CYBB: variants seen among roughly 807,000 people sequenced by gnomAD.
CYBB encodes cytochrome b-245 beta chain, also known as NADPH oxidase 2.
A neutral mutation model predicts 46.5 loss-of-function variants in CYBB; 5 were observed. The ratio of observed to expected loss-of-function variants is 0.11; its 90% CI spans 0.06 to 0.23. CYBB has a LOEUF of 0.23. Among genes scored for constraint, CYBB ranks in the 10% least tolerant of loss-of-function variants. CYBB has a pLI of 1.00. For synonymous variants in CYBB, 183 were observed against 156.7 expected, an observed-to-expected ratio of 1.17 and a Z score of -1.26; for missense variants, 307 against 428.3, an observed-to-expected ratio of 0.72 and a Z score of 2.50.
chrX:37,782,907 T>C (rs782361265), intron 2 of CYBB, among the ~76,000 whole-genome samples: 7 of 111,901 alleles, frequency 6.3e-5, no homozygotes, highest in Non-Finnish European at 1.1e-4. Flanking sequence ...TGATGCTTTC[T>C]CCCGCCAAAA....
chrX:37,801,621 TG>T (rs1569479742), intron 8 of CYBB, among the ~76,000 whole-genome samples: 2,937 of 108,775 alleles, frequency 0.027, 97 homozygotes, highest in African/African-American at 0.092. Context: ...TGTGTGTGTG[TG>T]TGTGTGTTTG....
At chrX:37,798,019 C>T (rs1556468891) in intron 6 of CYBB, among the ~76,000 whole-genome samples, 1 of 111,939 alleles carries the variant, frequency 8.9e-6, no homozygotes, top group African/African-American at 3.2e-5. Context: ...GTGCTCAATA[C>T]ATGATAATTC....
At position 37,782,199 on chromosome X, in the gene CYBB, A is replaced by G. The variant is rs1602174302; in HGVS notation, c.141+16A>G. On this transcript the variant is annotated intron_variant, in intron 2 of 12. Transcript: ENST00000378588. ...ACTTCTTGGGGTAAGTATAAATTCC[A>G]TCCCATGCAATATTGGCTGGTTCAC... 1 of 1,007,055 alleles carries G rather than the reference A, an allele frequency of 9.9e-7. No homozygotes were observed. The highest frequency in any genetic ancestry group is 1.4e-6 in the Non-Finnish European group (1 of 710,177). 83.0% of individuals were successfully genotyped at this position (1,007,055 alleles called of 1,213,427 possible).
chrX:37,806,568 A>G, intron 11 of CYBB, 35 bp downstream of exon 11: 20 of 1,179,723 alleles, frequency 1.7e-5, no homozygotes, highest in Non-Finnish European at 2.2e-5. Context: ...GGTCCTTCCC[A>G]TAGTGTACAG....
intron 3 of CYBB, among the ~76,000 whole-genome samples, chrX:37,784,522 C>T (rs897101538): frequency 2.7e-5 from 3 of 111,092 alleles, no homozygotes; most frequent in African/African-American, 6.5e-5. Context: ...GTGAGGAAAT[C>T]GTATTCTTGA....
intron 4 of CYBB, 131 bp from the exon 5 acceptor site, chrX:37,793,534 A>G (rs2146810110): frequency 3.0e-6 from 2 of 673,894 alleles, no homozygotes; most frequent in East Asian, 3.4e-5. Context: ...GTTCTTGTCT[A>G]TAAGTGTCCT....
At chrX:37,803,549 G>T (rs1335744718) in intron 8 of CYBB, among the ~76,000 whole-genome samples, 1 of 111,756 alleles carries the variant, frequency 8.9e-6, no homozygotes, top group Non-Finnish European at 1.9e-5. Context: ...GGAATGGGGA[G>T]AGAGAAAAGC....
intron 8 of CYBB, among the ~76,000 whole-genome samples, 188 bp downstream of exon 8, chrX:37,801,536 G>T (rs1556469915): frequency 9.2e-6 from 1 of 108,590 alleles, no homozygotes; most frequent in African/African-American, 3.4e-5. Context: ...TACCATTTTT[G>T]ATGTTAAAAT....
intron 6 of CYBB, among the ~76,000 whole-genome samples, chrX:37,798,479 T>G (rs1164727659): frequency 8.0e-5 from 9 of 112,180 alleles, no homozygotes; most frequent in African/African-American, 2.9e-4. Context: ...ACTGTCTCAG[T>G]TGTCTACTAT....
At chrX:37,794,209 A>C (rs934427982) in intron 5 of CYBB, among the ~76,000 whole-genome samples, 1 of 112,148 alleles carries the variant, frequency 8.9e-6, no homozygotes, top group African/African-American at 3.2e-5. Context: ...AAGGGGATGT[A>C]AAGTGGATTT....
intron 3 of CYBB, among the ~76,000 whole-genome samples, chrX:37,789,550 T>TAAAA (rs1385759356): frequency 9.2e-6 from 1 of 109,129 alleles, no homozygotes; most frequent in African/African-American, 3.3e-5. Flanking sequence ...AATAAATAAA[T>TAAAA]AAACTATAAA....
At chrX:37,801,186 T>C (rs1929429905) in intron 7 of CYBB, 70 bp from the exon 8 acceptor site, 1 of 729,437 alleles carries the variant, frequency 1.4e-6, no homozygotes, top group African/African-American at 2.1e-5. Flanking sequence ...CTAAAATTTT[T>C]CTCCCTCTGA....
At chrX:37,781,028 T>G (rs1556464388) in intron 1 of CYBB, among the ~76,000 whole-genome samples, 1 of 111,996 alleles carries the variant, frequency 8.9e-6, no homozygotes, top group Non-Finnish European at 1.9e-5. Flanking sequence ...TCTTTGAGTT[T>G]TAAATATAGA....
At position 37,801,301 on chromosome X, in the gene CYBB, A is replaced by G. The variant is rs1556469845; in HGVS notation, c.850A>G (p.Arg284Gly). The G allele has an allele frequency of 8.3e-7, 1 of 1,208,824 alleles. No homozygotes were observed. The highest frequency in any genetic ancestry group is 1.1e-6 in the Non-Finnish European group (1 of 893,465). ...TCCCATGTTTCTGTATCTCTGTGAG[A>G]GGTTGGTGCGGTTTTGGCGATCTCA... Reference protein sequence around the residue: ...VGPMFLYLCERLVRFWRSQQK... With the variant: ...VGPMFLYLCEGLVRFWRSQQK... The change falls in exon 8 of 13, where the codon AGG becomes GGG. Residue 284 changes from arginine to glycine, a missense_variant. By Grantham distance (125) the Arg-to-Gly change is moderately radical. Coordinates refer to ENST00000378588, the MANE Select transcript of CYBB (RefSeq NM_000397.4).
chrX:37,791,944 A>G (rs368844813), intron 3 of CYBB, 31 bp from the exon 4 acceptor site: 377 of 1,078,968 alleles, frequency 3.5e-4, no homozygotes, highest in Non-Finnish European at 4.7e-4. Flanking sequence ...GTTAACAATT[A>G]CTATTCCATT....
chrX:37,809,704 T>C lies in CYBB; in HGVS notation c.1586+13T>C. On this transcript the variant is annotated intron_variant, in intron 12 of 12. Transcript: ENST00000378588. ...GTCAACACCCTAAGTAAGGAGTCTG[T>C]CACCAAGATGTTTTTGAGGCTTGCA... 3 of 1,208,545 alleles carry C rather than the reference T, an allele frequency of 2.5e-6. No homozygotes were observed. Among genetic ancestry groups the C allele is most frequent in the Non-Finnish European group, 2.2e-6 (2 of 893,533 alleles).
rs369597264 is a variant in CYBB, at chrX:37,803,924, G to A, written c.945G>A (p.Lys315=). 44 of 1,208,893 alleles carry A rather than the reference G, an allele frequency of 3.6e-5. No individual in the cohort carries two copies. Among genetic ancestry groups the A allele is most frequent in the South Asian group, 1.1e-4 (6 of 56,816 alleles). Residue 315 remains lysine (K), a synonymous_variant, in exon 9 of 13, where the codon AAG becomes AAA. Transcript: ENST00000378588. ...CCATCGAGCTACAGATGAAGAAGAA[G>A]GGGTTCAAAATGGAAGTGGGACAAT... is the stretch of plus-strand genomic sequence containing the variant. The part of the protein sequence containing the change: ...FKTIELQMKK[K]GFKMEVGQYI...
Position 37,812,590 on chromosome X carries a change from T to C in CYBB, c.*1673T>C, listed in dbSNP as rs34380982. 1 of 111,967 alleles carries C rather than the reference T, an allele frequency of 8.9e-6. No homozygotes were observed. Among genetic ancestry groups the C allele is most frequent in the Non-Finnish European group, 1.9e-5 (1 of 53,168 alleles). 9.2% of individuals were successfully genotyped at this position (111,967 alleles called of 1,213,427 possible). A position where few individuals can be genotyped will look rare whatever the true frequency, so the allele number is the denominator to read the frequency against. ...GATGTTGTTTTGATTATCTATGGTA[T>C]TGAATCTTTTAAAATCTGGTCACAA... On this transcript the variant is annotated 3_prime_UTR_variant, in exon 13 of 13. Transcript: ENST00000378588.
intron 5 of CYBB, among the ~76,000 whole-genome samples, chrX:37,795,684 A>C (rs1170153371): frequency 1.8e-5 from 2 of 112,257 alleles, no homozygotes; most frequent in Admixed American, 1.9e-4. Flanking sequence ...AGAAATAACT[A>C]TTTAAGTACA....
Sources: allele counts gnomAD v4.1 joint callset (sites outside exome capture counted in the v4.1 genomes callset), GRCh38; gene constraint gnomAD v4.1.1; transcripts MANE v1.5; gene names NCBI Gene and HGNC (gene_info 2026-07-23, HGNC 2026-07-21).